GINS2: variants seen among roughly 807,000 people sequenced by gnomAD.
The protein encoded by GINS2 is DNA replication complex GINS protein PSF2.
In GINS2, 23 loss-of-function variants were observed where a neutral mutation model predicts 21.2. That is an observed-to-expected ratio of 1.08 (90% CI 0.78 to 1.53). The LOEUF (loss-of-function observed/expected upper bound fraction) is 1.53, where lower values mean the gene tolerates loss of function less well. GINS2 is among the 40% of genes most tolerant of loss of function. The pLI is 0.00. For missense variants in GINS2, 323 were observed against 233.9 expected, an observed-to-expected ratio of 1.38 and a Z score of -2.49; for synonymous variants, 118 against 85.6, an observed-to-expected ratio of 1.38 and a Z score of -2.09.
Position 85,683,762 on chromosome 16 carries a change from G to A in GINS2, c.206-2081C>T, listed in dbSNP as rs150099122. Among the ~76,000 whole-genome samples the A allele has an allele frequency of 2.1e-3, 320 of 152,356 alleles. 4 individuals carry two copies. Among genetic ancestry groups the A allele is most frequent in the African/African-American group, 7.5e-3 (311 of 41,578 alleles). ...GCACCAACCTTCTCTACACAGCAGA[G>A]TGATCCTTTCATTAACATCTGAATC... On this transcript the variant is annotated intron_variant, in intron 2 of 4. Transcript: ENST00000253462.
At chr16:85,678,426 G>C (rs2053703819) in intron 4 of GINS2, 89 bp from the exon 5 acceptor site, 1 of 1,555,688 alleles carries the variant, frequency 6.4e-7, no homozygotes, top group Non-Finnish European at 8.8e-7. Context: ...AGAAACCAAT[G>C]AACTGTTGAA....
chr16:85,682,718 C>G (rs1024808829), intron 2 of GINS2, among the ~76,000 whole-genome samples: 83 of 152,312 alleles, frequency 5.4e-4, no homozygotes, highest in African/African-American at 1.6e-3. Context: ...AGCATCAGCA[C>G]TGTTCTCACA....
Position 85,676,446 on chromosome 16 carries a change from G to C in GINS2, c.*1766C>G, listed in dbSNP as rs1450426917. 1.3e-5 allele frequency: 2 copies of C among 152,224 alleles called. No individual in the cohort carries two copies. Among genetic ancestry groups the C allele is most frequent in the African/African-American group, 2.4e-5 (1 of 41,450 alleles). The allele number at this position is 152,224 out of a possible 1,614,324, so 9.4% of individuals were successfully genotyped here. ...CTATGAGCTGAACCAAGTCTGAACAGCACCTTAAATTATGGAGACCTCATC... is the reference window on the plus strand; with the variant it reads ...CTATGAGCTGAACCAAGTCTGAACACCACCTTAAATTATGGAGACCTCATC... On this transcript the variant is annotated 3_prime_UTR_variant, in exon 5 of 5. Transcript: ENST00000253462.
chr16:85,677,211 C>A lies in GINS2; in HGVS notation c.*1001G>T. On this transcript the variant is annotated 3_prime_UTR_variant, in exon 5 of 5. Coordinates refer to ENST00000253462, the MANE Select transcript of GINS2 (RefSeq NM_016095.3). Reference sequence around the variant, plus strand: ...GTTTTTTTTAAAGCTGATTACAGAACCTTCTATCCATTGCATGATGCTGGA... The same window carrying A: ...GTTTTTTTTAAAGCTGATTACAGAAACTTCTATCCATTGCATGATGCTGGA... 6.6e-6 allele frequency: 1 copy of A among 152,156 alleles called. No homozygotes were observed. The highest frequency in any genetic ancestry group is 1.5e-5 in the Non-Finnish European group (1 of 68,038). 9.4% of individuals were successfully genotyped at this position (152,156 alleles called of 1,614,324 possible).
intron 3 of GINS2, among the ~76,000 whole-genome samples, chr16:85,681,307 G>T (rs1567791149): frequency 1.3e-5 from 2 of 152,354 alleles, no homozygotes; most frequent in Middle Eastern, 3.4e-3. Flanking sequence ...AGAACAAAAA[G>T]AGCCAAGGGC....
chr16:85,688,942 C>A lies in GINS2; in HGVS notation c.-44G>T. 1.4e-6 allele frequency: 2 copies of A among 1,382,340 alleles called. No individual in the cohort carries two copies. Among genetic ancestry groups the A allele is most frequent in the Non-Finnish European group, 2.0e-6 (2 of 1,015,618 alleles). The allele number at this position is 1,382,340 out of a possible 1,614,324, so 85.6% of individuals were successfully genotyped here. A position where few individuals can be genotyped will look rare whatever the true frequency, so the allele number is the denominator to read the frequency against. On this transcript the variant is annotated 5_prime_UTR_variant, in exon 1 of 5. Coordinates refer to ENST00000253462, the MANE Select transcript of GINS2 (RefSeq NM_016095.3). ...CCAGAGCCTCACGGTCTCCTCGGGCCCCTCAGCGTCCCGGAGGAGACGCCG... is the reference window on the plus strand; with the variant it reads ...CCAGAGCCTCACGGTCTCCTCGGGCACCTCAGCGTCCCGGAGGAGACGCCG...
Position 85,688,929 on chromosome 16 carries a change from G to C in GINS2, c.-31C>G. ...CGCGAGCTGCAGGCCAGAGCCTCAC[G>C]GTCTCCTCGGGCCCCTCAGCGTCCC... On this transcript the variant is annotated 5_prime_UTR_variant, in exon 1 of 5. Transcript: ENST00000253462. The C allele has an allele frequency of 8.2e-6, 12 of 1,465,366 alleles. No homozygotes were observed. Among genetic ancestry groups the C allele is most frequent in the Non-Finnish European group, 1.1e-5 (12 of 1,080,308 alleles). 90.8% of individuals were successfully genotyped at this position (1,465,366 alleles called of 1,614,324 possible).
chr16:85,681,517 G>A (rs1279624322), intron 3 of GINS2, 65 bp downstream of exon 3: 1 of 938,430 alleles, frequency 1.1e-6, no homozygotes, highest in East Asian at 2.4e-5. Flanking sequence ...GAAGGACGAG[G>A]GTTAGGGGAA....
At position 85,678,256 on chromosome 16, in the gene GINS2, T is replaced by G. The variant is rs765488653; in HGVS notation, c.514A>C (p.Thr172Pro). The G allele has an allele frequency of 1.2e-6, 2 of 1,613,492 alleles. No homozygotes were observed. Among genetic ancestry groups the G allele is most frequent in the South Asian group, 1.1e-5 (1 of 91,056 alleles). Residue 172 changes from threonine to proline, a missense_variant, in exon 5 of 5, where the codon ACG becomes CCG. Transcript: ENST00000253462. Reference sequence around the variant, plus strand: ...GTACTCTCCAGAGGCTGGAGGTTCGTGCGGAGTTTGTACATGTGGTTGAGC... The same window carrying G: ...GTACTCTCCAGAGGCTGGAGGTTCGGGCGGAGTTTGTACATGTGGTTGAGC... ...QALNHMYKLR[T>P]NLQPLESTQS...
At chr16:85,683,595 T>C (rs1468041420) in intron 2 of GINS2, among the ~76,000 whole-genome samples, 1 of 152,116 alleles carries the variant, frequency 6.6e-6, no homozygotes, top group Non-Finnish European at 1.5e-5. Context: ...TTCACTCTTC[T>C]CCCTCACACC....
chr16:85,684,191 G>T (rs148283208), intron 2 of GINS2, among the ~76,000 whole-genome samples: 2 of 152,160 alleles, frequency 1.3e-5, no homozygotes, highest in Admixed American at 6.5e-5. Context: ...AAAATTAGCT[G>T]AATGTGATGG....
intron 3 of GINS2, among the ~76,000 whole-genome samples, chr16:85,680,424 C>T (rs1012528182): frequency 2.0e-5 from 3 of 152,170 alleles, no homozygotes; most frequent in African/African-American, 4.8e-5. Flanking sequence ...AAAGGATACC[C>T]GGGGAGCTTC....
intron 1 of GINS2, among the ~76,000 whole-genome samples, chr16:85,688,229 G>A (rs185670879): frequency 3.3e-5 from 5 of 152,166 alleles, no homozygotes; most frequent in East Asian, 1.9e-4. Context: ...GGGGAGCCCA[G>A]GAGTTCGAGG....
In GINS2 at chr16:85,676,504, A is replaced by G. The variant is rs908030005; in HGVS notation, c.*1708T>C. 2 of 152,284 alleles carry G rather than the reference A, an allele frequency of 1.3e-5. No homozygotes were observed. The highest frequency in any genetic ancestry group is 1.5e-5 in the Non-Finnish European group (1 of 68,082). 9.4% of individuals were successfully genotyped at this position (152,284 alleles called of 1,614,324 possible). ...CCCAGTCTTCCAGGTCTGACCCTTCAGTGTCCAAATAACCACCAAAACCTG... is the reference window on the plus strand; with the variant it reads ...CCCAGTCTTCCAGGTCTGACCCTTCGGTGTCCAAATAACCACCAAAACCTG... On this transcript the variant is annotated 3_prime_UTR_variant, in exon 5 of 5. Transcript: ENST00000253462.
intron 2 of GINS2, among the ~76,000 whole-genome samples, chr16:85,683,187 C>T (rs2152052002): frequency 6.6e-6 from 1 of 152,182 alleles, no homozygotes; most frequent in East Asian, 1.9e-4. Flanking sequence ...AAAGAAGGCC[C>T]TCCGTGAACA....
At chr16:85,682,021 CTTTTTTTTTTTTT>C (rs56847154) in intron 2 of GINS2, among the ~76,000 whole-genome samples, 1 of 73,368 alleles carries the variant, frequency 1.4e-5, no homozygotes, top group East Asian at 4.8e-4. Context: ...CCTTTACCGC[CTTTTTTTTTTTTT>C]TTTTTTTTTT....
chr16:85,681,662 C>A lies in GINS2; in HGVS notation c.225G>T (p.Arg75Ser). ...AAGTTTCTTCCTTTCGTTCATGATC[C>A]CTCATCTTCTCCAACTTTTCTGAAA... is the stretch of plus-strand genomic sequence containing the variant. ...WMDVEKLEKMRDHERKEETFT... is the reference protein window; with the variant it reads ...WMDVEKLEKMSDHERKEETFT... The change falls in exon 3 of 5, where the codon AGG (arginine) becomes AGT (serine). Residue 75 changes from arginine (R) to serine (S), a missense_variant. Arg to Ser is a moderately radical substitution (Grantham distance 110). Transcript: ENST00000253462. The A allele has an allele frequency of 6.2e-7, 1 of 1,606,978 alleles. No individual in the cohort carries two copies. Among genetic ancestry groups the A allele is most frequent in the Non-Finnish European group, 8.5e-7 (1 of 1,173,926 alleles).
intron 2 of GINS2, among the ~76,000 whole-genome samples, chr16:85,683,056 G>A (rs1404356051): frequency 6.6e-6 from 1 of 151,978 alleles, no homozygotes; most frequent in Non-Finnish European, 1.5e-5. Context: ...CAGCCTTCCA[G>A]GTGTCCTGGA....
intron 2 of GINS2, among the ~76,000 whole-genome samples, chr16:85,683,555 G>C (rs1028979946): frequency 1.3e-5 from 2 of 152,014 alleles, no homozygotes; most frequent in Non-Finnish European, 2.9e-5. Context: ...CCCTCTCCTG[G>C]GCCTCCAGCC....
Sources: gnomAD v4.1 joint callset for allele counts (sites outside exome capture counted in the v4.1 genomes callset) on GRCh38, gnomAD v4.1.1 for gene constraint, MANE v1.5 for transcripts, NCBI Gene and HGNC (gene_info 2026-07-23, HGNC 2026-07-21) for gene names.